CACUL1: variants seen among roughly 807,000 people sequenced by gnomAD.
CACUL1 encodes the protein CDK2-associated and cullin domain-containing protein 1.
A neutral mutation model predicts 45.2 loss-of-function variants in CACUL1; 13 were observed. The observed-to-expected ratio is 0.29, with a 90% confidence interval of 0.19 to 0.46. The LOEUF is 0.46. Among genes scored for constraint, CACUL1 ranks in the 20% least tolerant of loss-of-function variants. The pLI is 1.00. For synonymous variants in CACUL1, 197 were observed against 174.2 expected (o/e 1.13, Z -1.03); for missense variants, 421 against 471.4 (o/e 0.89, Z 0.99).
intron 3 of CACUL1, among the ~76,000 whole-genome samples, chr10:118,715,552 T>C (rs75284680): frequency 0.03 from 4,615 of 152,326 alleles, 110 homozygotes; most frequent in Non-Finnish European, 0.046. Context: ...GTTTGGCTAT[T>C]GAGCCTTGGA....
intron 6 of CACUL1, among the ~76,000 whole-genome samples, chr10:118,691,764 G>A (rs1482769573): frequency 3.3e-5 from 5 of 151,368 alleles, no homozygotes; most frequent in African/African-American, 9.7e-5. Context: ...CTACTCAGGA[G>A]GCTGAGGCAG....
At chr10:118,701,272 G>T in intron 5 of CACUL1, 34 bp downstream of exon 5, 3 of 1,151,530 alleles carry the variant, frequency 2.6e-6, no homozygotes, top group Non-Finnish European at 3.7e-6. Context: ...ATCATTGCTA[G>T]TGTTATCTCA....
chr10:118,710,526 C>A (rs977849325), intron 3 of CACUL1, among the ~76,000 whole-genome samples: 1 of 152,164 alleles, frequency 6.6e-6, no homozygotes, highest in African/African-American at 2.4e-5. Context: ...AGACATAAGG[C>A]CTCCCTGACT....
In CACUL1 at chr10:118,754,578, G is replaced by T. The variant is rs376167194; in HGVS notation, c.185C>A (p.Ala62Glu). The change falls in exon 1 of 9, where the codon GCG becomes GAG. Residue 62 changes from alanine to glutamate, a missense_variant. By Grantham distance (107) the Ala-to-Glu change is moderately radical. Coordinates refer to ENST00000369151, the MANE Select transcript of CACUL1 (RefSeq NM_153810.5). The part of the protein sequence containing the change: ...PPGGQLLAVP[A>E]VSVDRKGPKE... ...GGGGCCTTTCCTGTCCACGGAGACC[G>T]CGGGCACCGCCAGCAGCTGCCCCCC... 56 of 1,609,496 alleles carry T rather than the reference G, an allele frequency of 3.5e-5. No homozygotes were observed. Among genetic ancestry groups the T allele is most frequent in the Non-Finnish European group, 4.3e-5 (51 of 1,178,298 alleles).
At chr10:118,694,033 T>C (rs910678176) in intron 6 of CACUL1, among the ~76,000 whole-genome samples, 1 of 152,112 alleles carries the variant, frequency 6.6e-6, no homozygotes, top group Admixed American at 6.6e-5. Flanking sequence ...CCAGGCTAAT[T>C]TTTTCTATTT....
intron 1 of CACUL1, among the ~76,000 whole-genome samples, chr10:118,740,624 T>A (rs1250070353): frequency 2.1e-5 from 3 of 145,094 alleles, no homozygotes; most frequent in Non-Finnish European, 3.0e-5. Context: ...TAAATAAAAA[T>A]TTTTTTAAAA....
Position 118,691,289 on chromosome 10 carries a change from T to G in CACUL1, c.1001A>C (p.Glu334Ala). Reference protein sequence around the residue: ...YAAQDQKFQRELIQNGFTRGD... With the variant: ...YAAQDQKFQRALIQNGFTRGD... ...CCTTGTAAAACCATTCTGTATAAGT[T>G]CTCTTTGAAATTTCTGATCTTGAGC... The change falls in exon 7 of 9, where the codon GAA (glutamate) becomes GCA (alanine). Residue 334 changes from glutamate (E) to alanine (A), a missense_variant. Physicochemically the swap from Glu to Ala is moderately radical, Grantham distance 107 (BLOSUM62 -1). Coordinates refer to ENST00000369151, the MANE Select transcript of CACUL1 (RefSeq NM_153810.5). The G allele has an allele frequency of 6.2e-7, 1 of 1,613,654 alleles. No homozygotes were observed. The highest frequency in any genetic ancestry group is 8.5e-7 in the Non-Finnish European group (1 of 1,179,820).
intron 6 of CACUL1, 110 bp from the exon 7 acceptor site, chr10:118,691,513 G>GA (rs1269405023): frequency 1.1e-6 from 1 of 924,474 alleles, no homozygotes; most frequent in Non-Finnish European, 1.7e-6. Flanking sequence ...TTAAGCAGGG[G>GA]AAAAAATTAG....
At chr10:118,748,707 G>A (rs914439823) in intron 1 of CACUL1, among the ~76,000 whole-genome samples, 9 of 152,162 alleles carry the variant, frequency 5.9e-5, no homozygotes, top group Admixed American at 2.6e-4. Flanking sequence ...TCCAAAATCC[G>A]AAAAAAATCT....
chr10:118,691,730 G>A (rs941706344), intron 6 of CACUL1, among the ~76,000 whole-genome samples: 5 of 151,942 alleles, frequency 3.3e-5, no homozygotes, highest in East Asian at 1.9e-4. Flanking sequence ...AGCCAGACAC[G>A]GTGGCGGGCA....
In CACUL1 at chr10:118,754,634, C is replaced by G. The variant is rs112095814; in HGVS notation, c.129G>C (p.Ser43=). The G allele has an allele frequency of 5.6e-6, 9 of 1,606,594 alleles. No homozygotes were observed. In the African/African-American group the frequency reaches 1.1e-4, roughly 19 times the overall value. The change falls in exon 1 of 9, where the codon TCG becomes TCC. Residue 43 remains serine (S), a synonymous_variant. Transcript: ENST00000369151. The part of the protein sequence containing the change: ...RQPLPPPPPP[S]SIPAPAREPP... Reference sequence around the variant, plus strand: ...GCTCTCGGGCAGGGGCCGGGATCGACGAGGGGGGCGGCGGAGGTGGCAGGG... The same window carrying G: ...GCTCTCGGGCAGGGGCCGGGATCGAGGAGGGGGGCGGCGGAGGTGGCAGGG...
intron 1 of CACUL1, among the ~76,000 whole-genome samples, chr10:118,732,549 C>T (rs1845707319): frequency 6.6e-6 from 1 of 152,120 alleles, no homozygotes; most frequent in South Asian, 2.1e-4. Context: ...GAATTAACCC[C>T]AAAGCAGCCT....
chr10:118,681,501 C>T lies in CACUL1; in HGVS notation c.*4627G>A, dbSNP rs575982405. 7 of 152,226 alleles carry T rather than the reference C, an allele frequency of 4.6e-5. No individual in the cohort carries two copies. The South Asian group carries it at 8.3e-4, about 18-fold the overall frequency. 9.4% of individuals were successfully genotyped at this position (152,226 alleles called of 1,614,324 possible). On this transcript the variant is annotated 3_prime_UTR_variant, in exon 9 of 9. Coordinates refer to ENST00000369151, the MANE Select transcript of CACUL1 (RefSeq NM_153810.5). ...GTACATAGTCACAACATTGAAATGA[C>T]GTGAGAATCAATACAAAATATTTAT...
Position 118,729,367 on chromosome 10 carries a change from G to T in CACUL1, c.525C>A (p.His175Gln). Residue 175 changes from histidine (H) to glutamine (Q), a missense_variant, in exon 3 of 9, where the codon CAC becomes CAA. Physicochemically the swap from His to Gln is conservative, Grantham distance 24 (BLOSUM62 0). Transcript: ENST00000369151. ...SCVYKCVCQQ[H>Q]SEQMYSDLIK... ...TCAGATCACTATACATCTGTTCCGA[G>T]TGCTGCTGGCATACACATTTATACA... The T allele has an allele frequency of 6.2e-7, 1 of 1,612,168 alleles. No homozygotes were observed.
At chr10:118,696,896 C>T (rs1845328579) in intron 5 of CACUL1, among the ~76,000 whole-genome samples, 2 of 152,216 alleles carry the variant, frequency 1.3e-5, no homozygotes, top group Non-Finnish European at 2.9e-5. Context: ...CCCACTAACT[C>T]TTCGTATTCA....
intron 5 of CACUL1, among the ~76,000 whole-genome samples, chr10:118,696,486 AC>A (rs1417799136): frequency 6.6e-6 from 1 of 152,206 alleles, no homozygotes; most frequent in East Asian, 1.9e-4. Context: ...TACTAAAAAT[AC>A]AAAAAAATTG....
chr10:118,717,179 C>A (rs1329165663), intron 3 of CACUL1, among the ~76,000 whole-genome samples: 1 of 152,168 alleles, frequency 6.6e-6, no homozygotes, highest in Admixed American at 6.5e-5. Context: ...CCTTAAGCCT[C>A]TTCCAAGAAA....
In CACUL1 at chr10:118,676,839, T is replaced by TACACACACACAC. The variant is rs55641894; in HGVS notation, c.*9277_*9288dup. ...ACATTTTAAAATATATATGTCTATGTACACACACACACACACACACACACA... is the reference window on the plus strand; with the variant it reads ...ACATTTTAAAATATATATGTCTATGTACACACACACACACACACACACACACACACACACACA... On this transcript the variant is annotated 3_prime_UTR_variant, in exon 9 of 9. Transcript: ENST00000369151. The TACACACACACAC allele has an allele frequency of 3.3e-5, 5 of 149,834 alleles. No individual in the cohort carries two copies. The highest frequency in any genetic ancestry group is 5.9e-5 in the Non-Finnish European group (4 of 67,538). 9.3% of individuals were successfully genotyped at this position (149,834 alleles called of 1,614,324 possible). A position where few individuals can be genotyped will look rare whatever the true frequency, so the allele number is the denominator to read the frequency against.
chr10:118,748,372 G>A (rs189290865), intron 1 of CACUL1, among the ~76,000 whole-genome samples: 4 of 152,308 alleles, frequency 2.6e-5, no homozygotes, highest in African/African-American at 9.6e-5. Context: ...TTCTTCAGCT[G>A]CAACACAGAA....
Sources: allele counts gnomAD v4.1 joint callset (sites outside exome capture counted in the v4.1 genomes callset), GRCh38; gene constraint gnomAD v4.1.1; transcripts MANE v1.5; gene names NCBI Gene and HGNC (gene_info 2026-07-23, HGNC 2026-07-21).